Variants in SNX29 observed in about 807,000 individuals in gnomAD.
SNX29 encodes the protein sorting nexin 29, also known as sorting nexin-29.
In SNX29, 78 loss-of-function variants were observed where a neutral mutation model predicts 102.1. The ratio of observed to expected loss-of-function variants is 0.76; its 90% CI spans 0.64 to 0.92. The LOEUF (loss-of-function observed/expected upper bound fraction) is 0.92. Among genes scored for constraint, SNX29 ranks in the 40% least tolerant of loss-of-function variants. The pLI is 0.00. For synonymous variants in SNX29, 580 were observed against 414.5 expected, an observed-to-expected ratio of 1.40 and a Z score of -4.85; for missense variants, 1,280 against 1,061.7, an observed-to-expected ratio of 1.21 and a Z score of -2.86.
At chr16:12,179,580 A>G (rs1160427418) in intron 13 of SNX29, among the ~76,000 whole-genome samples, 2 of 152,204 alleles carry the variant, frequency 1.3e-5, no homozygotes, top group African/African-American at 2.4e-5. Context: ...GCCAGTATAT[A>G]CTTTACTCAT....
At chr16:12,546,834 G>T (rs1172949491) in intron 20 of SNX29, 1 of 152,150 alleles carries the variant, frequency 6.6e-6, no homozygotes, top group Non-Finnish European at 1.5e-5. Context: ...TGAAAATAAA[G>T]GGATTAAGAT....
intron 16 of SNX29, among the ~76,000 whole-genome samples, chr16:12,357,189 C>T (rs186476124): frequency 2.0e-5 from 3 of 152,132 alleles, no homozygotes; most frequent in East Asian, 1.9e-4. Flanking sequence ...GTGTAATGCA[C>T]GCTCATATAT....
At chr16:12,228,441 G>T (rs2077678700) in intron 14 of SNX29, among the ~76,000 whole-genome samples, 1 of 152,238 alleles carries the variant, frequency 6.6e-6, no homozygotes. Flanking sequence ...CACAGTCCAT[G>T]ACAGCAGCAG....
chr16:12,211,405 A>G (rs1365194730), intron 14 of SNX29, among the ~76,000 whole-genome samples: 1 of 152,188 alleles, frequency 6.6e-6, no homozygotes, highest in Non-Finnish European at 1.5e-5. Flanking sequence ...GCCCCGGGGT[A>G]GCTTTCCCTG....
At chr16:12,344,381 C>T (rs75349532) in intron 15 of SNX29, among the ~76,000 whole-genome samples, 44 of 152,272 alleles carry the variant, frequency 2.9e-4, no homozygotes, top group Middle Eastern at 6.8e-3. Flanking sequence ...ACTAAACCTC[C>T]GTGAGCCTCC....
chr16:12,458,693 A>G (rs2086639590), intron 18 of SNX29, among the ~76,000 whole-genome samples: 1 of 152,144 alleles, frequency 6.6e-6, no homozygotes, highest in African/African-American at 2.4e-5. Context: ...TTAAACCCAG[A>G]AAGGGCAATG....
intron 14 of SNX29, among the ~76,000 whole-genome samples, chr16:12,210,603 T>C (rs2077157495): frequency 1.3e-5 from 2 of 152,058 alleles, no homozygotes; most frequent in Admixed American, 1.3e-4. Context: ...TCTGGACTCC[T>C]CCACTGCCGA....
At chr16:12,052,298 C>T (rs1172097678) in intron 8 of SNX29, 76 bp downstream of exon 8, 4 of 1,514,998 alleles carry the variant, frequency 2.6e-6, no homozygotes, top group Non-Finnish European at 3.6e-6. Context: ...CTCACTGCAA[C>T]CTCCACCTCC....
chr16:12,155,056 A>AC (rs200599038), intron 13 of SNX29, among the ~76,000 whole-genome samples: 8 of 151,566 alleles, frequency 5.3e-5, no homozygotes, highest in African/African-American at 1.7e-4. Flanking sequence ...TCTGCCTCCC[A>AC]CCCCCCTTGC....
intron 14 of SNX29, among the ~76,000 whole-genome samples, chr16:12,259,022 G>A (rs961178004): frequency 6.6e-6 from 1 of 152,104 alleles, no homozygotes; most frequent in Non-Finnish European, 1.5e-5. Flanking sequence ...TCAGCCCTCT[G>A]GCAGGAGTGC....
At chr16:12,538,861 C>CCATTTGTGGCAAAGAGGGGCACAGAGAAG (rs2077196318) in intron 20 of SNX29, among the ~76,000 whole-genome samples, 1 of 151,870 alleles carries the variant, frequency 6.6e-6, no homozygotes, top group South Asian at 2.1e-4. Context: ...GCACAGAGAA[C>CCATTTGTGGCAAAGAGGGGCACAGAGAAG]GGTAGATGGG....
rs749868361 is a variant in SNX29 at position 12,568,553 on chromosome 16, C to G, written c.2366C>G (p.Ala789Gly). 3.1e-6 allele frequency: 5 copies of G among 1,609,296 alleles called. No individual in the cohort carries two copies. The highest frequency in any genetic ancestry group is 3.4e-6 in the Non-Finnish European group (4 of 1,179,866). The change falls in exon 21 of 21, where the codon GCT (alanine) becomes GGT (glycine). Residue 789 changes from alanine to glycine, a missense_variant. Coordinates refer to ENST00000566228, the MANE Select transcript of SNX29 (RefSeq NM_032167.5). ...GEPVNSRPKA[A>G]SRFPKLSRGQ... is the part of the protein sequence containing the mutation. The stretch of plus-strand genomic sequence containing the variant: ...CCTGTGAACAGCCGGCCCAAAGCAG[C>G]TTCCCGCTTCCCCAAACTGTCCCGG...
intron 3 of SNX29, among the ~76,000 whole-genome samples, chr16:12,013,500 A>AAATATATATATATATATATAT: frequency 3.2e-5 from 1 of 31,628 alleles, no homozygotes; most frequent in African/African-American, 9.8e-5. Flanking sequence ...AAAAAAAAAA[A>AAATATATATATATATATATAT]ATATATATAT....
At chr16:12,550,744 G>A (rs2856780) in intron 20 of SNX29, among the ~76,000 whole-genome samples, 48,014 of 151,796 alleles carry the variant, frequency 0.32, 9,165 homozygotes, top group East Asian at 0.73. Context: ...ATTTAAAAAA[G>A]GTGATAAAAT....
chr16:12,241,097 GT>G (rs1169750942), intron 14 of SNX29, among the ~76,000 whole-genome samples: 1 of 152,030 alleles, frequency 6.6e-6, no homozygotes, highest in Non-Finnish European at 1.5e-5. Flanking sequence ...AGCTATTTGT[GT>G]TTGCTCATTT....
chr16:12,464,975 C>T (rs1446457752), intron 18 of SNX29, among the ~76,000 whole-genome samples: 2 of 152,144 alleles, frequency 1.3e-5, no homozygotes, highest in Non-Finnish European at 2.9e-5. Flanking sequence ...CATTGTGGTT[C>T]CGATTTACAC....
At chr16:12,538,779 T>G (rs114460105) in intron 20 of SNX29, among the ~76,000 whole-genome samples, 3 of 152,104 alleles carry the variant, frequency 2.0e-5, no homozygotes, top group Non-Finnish European at 2.9e-5. Flanking sequence ...GCATGTCACA[T>G]CGCCAAGGGG....
intron 4 of SNX29, chr16:12,038,606 G>A (rs531761811): frequency 6.6e-6 from 1 of 152,222 alleles, no homozygotes; most frequent in Non-Finnish European, 1.5e-5. Flanking sequence ...ATTAATTCTG[G>A]CAGTGGAAGC....
intron 14 of SNX29, among the ~76,000 whole-genome samples, chr16:12,210,440 T>C (rs11644612): frequency 0.21 from 32,316 of 151,066 alleles, 3,584 homozygotes; most frequent in East Asian, 0.27. Flanking sequence ...CAATCCCTCC[T>C]GCCTCGGCCT....
Sources: gnomAD v4.1 joint callset for allele counts (sites outside exome capture counted in the v4.1 genomes callset) on GRCh38, gnomAD v4.1.1 for gene constraint, MANE v1.5 for transcripts, NCBI Gene and HGNC (gene_info 2026-07-23, HGNC 2026-07-21) for gene names.